ARHGEF3: variants seen among roughly 807,000 people sequenced by gnomAD.
ARHGEF3 encodes the protein 59.8 kDA protein.
ARHGEF3 carries 28 observed loss-of-function variants against 63.2 expected under a neutral mutation model. The ratio of observed to expected loss-of-function variants is 0.44; its 90% CI spans 0.33 to 0.61. The LOEUF is 0.61. ARHGEF3 is among the 20% of genes least tolerant of loss of function. ARHGEF3 has a pLI of 0.03. For missense variants in ARHGEF3, 533 were observed against 659.3 expected (o/e 0.81, Z 2.10); for synonymous variants, 266 against 254.2 (o/e 1.05, Z -0.44).
intron 2 of ARHGEF3, among the ~76,000 whole-genome samples, chr3:56,970,840 C>T (rs1051576608): frequency 1.3e-5 from 2 of 152,246 alleles, no homozygotes; most frequent in Non-Finnish European, 2.9e-5. Flanking sequence ...GGAGCCGGCT[C>T]TGCAACTCAC....
At chr3:56,795,249 T>G (rs971434520) in intron 1 of ARHGEF3, among the ~76,000 whole-genome samples, 1 of 152,106 alleles carries the variant, frequency 6.6e-6, no homozygotes, top group East Asian at 1.9e-4. Context: ...TAAGCAGAGA[T>G]TGAATGGATC....
At position 56,934,033 on chromosome 3, in the gene ARHGEF3, G is replaced by C. The variant is rs188789297; in HGVS notation, c.129+24790C>G. Among the ~76,000 whole-genome samples the C allele has an allele frequency of 3.7e-4, 56 of 152,264 alleles. 1 individual carries two copies. In the South Asian group the frequency reaches 4.1e-3, roughly 11 times the overall value. On this transcript the variant is annotated intron_variant, in intron 3 of 12. Coordinates refer to the ARHGEF3 transcript ENST00000338458. ...GCCTGCTTTCCCTTCCACTATGATT[G>C]TATGTTTCCTGAGGCCTCCCCAGCA...
At chr3:56,957,413 G>A (rs1349287084) in intron 3 of ARHGEF3, among the ~76,000 whole-genome samples, 1 of 152,214 alleles carries the variant, frequency 6.6e-6, no homozygotes, top group Non-Finnish European at 1.5e-5. Context: ...GTGGATGGAT[G>A]CAAGAAAAGT....
intron 2 of ARHGEF3, among the ~76,000 whole-genome samples, chr3:57,011,374 TCTCAATCC>T (rs1702694484): frequency 6.6e-6 from 1 of 152,190 alleles, no homozygotes; most frequent in Non-Finnish European, 1.5e-5. Flanking sequence ...ATAGAGTTGC[TCTCAATCC>T]CCACTGCCCA....
chr3:56,983,514 C>T (rs564389343), intron 2 of ARHGEF3, among the ~76,000 whole-genome samples: 45 of 152,292 alleles, frequency 3.0e-4, no homozygotes, highest in African/African-American at 9.4e-4. Flanking sequence ...CTAAAAAATC[C>T]CCTCGCCTCC....
intron 1 of ARHGEF3, among the ~76,000 whole-genome samples, chr3:57,057,443 C>T (rs1704992741): frequency 6.6e-6 from 1 of 152,126 alleles, no homozygotes; most frequent in Non-Finnish European, 1.5e-5. Context: ...TTTCTCAGCA[C>T]TTATCCCAAC....
intron 3 of ARHGEF3, among the ~76,000 whole-genome samples, chr3:56,915,727 AAC>A (rs1352939941): frequency 6.6e-6 from 1 of 152,170 alleles, no homozygotes; most frequent in East Asian, 1.9e-4. Context: ...CCCAATAATA[AAC>A]AGACTCAAAA....
chr3:56,885,477 C>T (rs1056916361), intron 3 of ARHGEF3, among the ~76,000 whole-genome samples: 4 of 152,144 alleles, frequency 2.6e-5, no homozygotes, highest in African/African-American at 7.2e-5. Flanking sequence ...TATGGTGCTA[C>T]AGTTCCATTC....
At chr3:56,978,518 C>T (rs572225227) in intron 2 of ARHGEF3, among the ~76,000 whole-genome samples, 3 of 152,296 alleles carry the variant, frequency 2.0e-5, no homozygotes, top group African/African-American at 2.4e-5. Flanking sequence ...AAGTACTCAC[C>T]CTCCCTACTA....
chr3:56,875,706 T>G (rs1334047444), intron 4 of ARHGEF3, among the ~76,000 whole-genome samples: 1 of 152,258 alleles, frequency 6.6e-6, no homozygotes, highest in African/African-American at 2.4e-5. Flanking sequence ...TAAACATTTA[T>G]CTGTCCCTTT....
chr3:56,900,393 G>A (rs2041464690), intron 3 of ARHGEF3, among the ~76,000 whole-genome samples: 1 of 152,212 alleles, frequency 6.6e-6, no homozygotes, highest in Non-Finnish European at 1.5e-5. Flanking sequence ...CCAGCACTTT[G>A]GGAGGCCAAG....
At chr3:57,008,714 C>T (rs535445822) in intron 2 of ARHGEF3, among the ~76,000 whole-genome samples, 3 of 152,260 alleles carry the variant, frequency 2.0e-5, no homozygotes, top group Admixed American at 2.0e-4. Flanking sequence ...TCATCTGATC[C>T]ACCCACCTCA....
chr3:56,755,352 TG>T lies in ARHGEF3; in HGVS notation c.205-202del, dbSNP rs539952690. Among the ~76,000 whole-genome samples the T allele has an allele frequency of 2.2e-4, 33 of 152,308 alleles. 1 individual carries two copies. The South Asian group carries it at 6.8e-3, about 32-fold the overall frequency. On this transcript the variant is annotated intron_variant, in intron 2 of 9. Coordinates refer to ENST00000296315, the MANE Select transcript of ARHGEF3 (RefSeq NM_019555.3). ...GGACAGGGGGCTGCTTTGGAACATG[TG>T]CTGGGAGTATCTGTTCTGTGTGACC...
At chr3:56,742,572 G>A (rs1344490221) in intron 7 of ARHGEF3, among the ~76,000 whole-genome samples, 2 of 151,906 alleles carry the variant, frequency 1.3e-5, no homozygotes, top group African/African-American at 4.8e-5. Context: ...CTTGTTTTAT[G>A]TTTTATGTTT....
upstream of ARHGEF3, among the ~76,000 whole-genome samples, chr3:56,803,647 T>A (rs2037758574): frequency 6.7e-6 from 1 of 150,242 alleles, no homozygotes; most frequent in Non-Finnish European, 1.5e-5. Context: ...ACAAAAAAAT[T>A]TAAAAATTAG....
At chr3:56,784,099 C>T (rs1205703200) in intron 1 of ARHGEF3, among the ~76,000 whole-genome samples, 3 of 152,162 alleles carry the variant, frequency 2.0e-5, no homozygotes, top group Non-Finnish European at 4.4e-5. Flanking sequence ...AAGAGGAAGC[C>T]AAATATTTAG....
intron 3 of ARHGEF3, among the ~76,000 whole-genome samples, chr3:56,888,441 A>T (rs1267819779): frequency 6.6e-6 from 1 of 152,218 alleles, no homozygotes; most frequent in Non-Finnish European, 1.5e-5. Context: ...TCTCAATGCC[A>T]CGTGCCTATA....
Position 56,896,564 on chromosome 3 carries a change from T to C in ARHGEF3, c.130-14210A>G, listed in dbSNP as rs150769023. On this transcript the variant is annotated intron_variant, in intron 3 of 12. Coordinates refer to the ARHGEF3 transcript ENST00000338458. The stretch of plus-strand genomic sequence containing the variant: ...CCAGAATCCAACTGAAGGCCCTGCA[T>C]TGATTGCATTTACTGTCACGTGTTC... Among the ~76,000 whole-genome samples the C allele has an allele frequency of 3.5e-3, 539 of 152,360 alleles. 3 individuals carry two copies. The highest frequency in any genetic ancestry group is 0.012 in the African/African-American group (506 of 41,586).
chr3:57,068,369 T>G (rs112941123), intron 1 of ARHGEF3, among the ~76,000 whole-genome samples: 84 of 152,314 alleles, frequency 5.5e-4, no homozygotes, highest in African/African-American at 2.0e-3. Context: ...CACAATAAAA[T>G]AGAGCTTCTA....
Sources: gnomAD v4.1 joint callset for allele counts (sites outside exome capture counted in the v4.1 genomes callset) on GRCh38, gnomAD v4.1.1 for gene constraint, MANE v1.5 for transcripts, NCBI Gene and HGNC (gene_info 2026-07-23, HGNC 2026-07-21) for gene names.